AFF2: variants seen among roughly 807,000 people sequenced by gnomAD.
The protein encoded by AFF2 is ALF transcription elongation factor 2, also known as AF4/FMR2 family member 2.
A neutral mutation model predicts 76.9 loss-of-function variants in AFF2; 14 were observed. The observed-to-expected ratio is 0.18, with a 90% CI of 0.12 to 0.28. AFF2 has a LOEUF of 0.28. Ranked by LOEUF, AFF2 falls within the 10% of genes least tolerant of loss-of-function variation. The probability of loss-of-function intolerance (pLI) is 1.00; values close to 1 mark genes in which losing one functional copy is unlikely to be tolerated. For missense variants in AFF2, 868 were observed against 1,001.1 expected, an observed-to-expected ratio of 0.87 and a Z score of 1.79; for synonymous variants, 398 against 366.7, an observed-to-expected ratio of 1.09 and a Z score of -0.98.
At chrX:148,871,030 A>G (rs2070967459) in intron 7 of AFF2, among the ~76,000 whole-genome samples, 1 of 110,926 alleles carries the variant, frequency 9.0e-6, no homozygotes, top group Middle Eastern at 4.2e-3. Context: ...AAACAGTGTC[A>G]CTGGTGAGGG....
intron 1 of AFF2, among the ~76,000 whole-genome samples, chrX:148,606,525 G>A (rs1429138963): frequency 9.2e-6 from 1 of 108,551 alleles, no homozygotes; most frequent in African/African-American, 3.4e-5. Context: ...AGTCAGCCTT[G>A]TGGATAGATT....
At chrX:148,941,280 C>CT (rs2071831095) in intron 9 of AFF2, among the ~76,000 whole-genome samples, 1 of 111,656 alleles carries the variant, frequency 9.0e-6, no homozygotes. Flanking sequence ...AGATTTAACT[C>CT]TGCCTTTTCT....
intron 3 of AFF2, among the ~76,000 whole-genome samples, chrX:148,774,805 A>G (rs1226165207): frequency 8.9e-6 from 1 of 112,174 alleles, no homozygotes; most frequent in African/African-American, 3.2e-5. Context: ...GTAAAACAGT[A>G]GCCCAATGCT....
chrX:148,687,619 T>G (rs1437578881), intron 3 of AFF2, among the ~76,000 whole-genome samples: 18 of 110,471 alleles, frequency 1.6e-4, no homozygotes, highest in African/African-American at 5.6e-4. Flanking sequence ...TTCTGCTTGA[T>G]CCTTCTGTGA....
intron 7 of AFF2, among the ~76,000 whole-genome samples, chrX:148,863,060 G>A (rs961902507): frequency 2.7e-5 from 3 of 111,378 alleles, no homozygotes; most frequent in Admixed American, 9.6e-5. Context: ...CAGGGAGATG[G>A]CTCAGTGATT....
At chrX:148,837,819 C>T (rs376634868) in intron 5 of AFF2, 86 bp downstream of exon 5, 1 of 600,975 alleles carries the variant, frequency 1.7e-6, no homozygotes, top group East Asian at 3.3e-5. Context: ...CAAAAATGGC[C>T]TTGGTCTTCT....
At chrX:148,689,013 A>G (rs1557260559) in intron 3 of AFF2, among the ~76,000 whole-genome samples, 1 of 112,207 alleles carries the variant, frequency 8.9e-6, no homozygotes, top group Non-Finnish European at 1.9e-5. Context: ...GCTATAACAA[A>G]GTATGTACTA....
rs189064749 is a variant in AFF2, at chrX:148,804,016, A to C, written c.1042-5860A>C. ...ACATTCATAAGATGTCATGGGAGCC[A>C]GTTTACAAGGCAACCAAACTATCTC... On this transcript the variant is annotated intron_variant, in intron 3 of 20. Coordinates refer to ENST00000370460, the MANE Select transcript of AFF2 (RefSeq NM_002025.4). Among the ~76,000 whole-genome samples the C allele has an allele frequency of 8.1e-5, 9 of 111,764 alleles. No individual in the cohort carries two copies. The East Asian group carries it at 2.3e-3, about 28-fold the overall frequency.
intron 7 of AFF2, among the ~76,000 whole-genome samples, chrX:148,848,346 T>G (rs2070692599): frequency 8.9e-6 from 1 of 112,251 alleles, no homozygotes; most frequent in African/African-American, 3.2e-5. Flanking sequence ...TCCAGATTGC[T>G]ATAACCAATA....
At chrX:148,585,561 C>T (rs965923617) in intron 1 of AFF2, among the ~76,000 whole-genome samples, 8 of 111,254 alleles carry the variant, frequency 7.2e-5, no homozygotes, top group Admixed American at 6.7e-4. Flanking sequence ...CTGAGTAGGC[C>T]GGGCGCGGTG....
At position 148,743,101 on chromosome X, in the gene AFF2, A is replaced by T. The variant is rs556343558; in HGVS notation, c.1042-66775A>T. On this transcript the variant is annotated intron_variant, in intron 3 of 20. Coordinates refer to ENST00000370460, the MANE Select transcript of AFF2 (RefSeq NM_002025.4). ...GGCTCACTTTCTCTCTCTAAAACTG[A>T]CTTTAAAACTAATATTTTCTTTTCA... Among the ~76,000 whole-genome samples, 10 of 111,934 alleles carry T rather than the reference A, an allele frequency of 8.9e-5. No homozygotes were observed. The South Asian group carries it at 3.7e-3, about 41-fold the overall frequency.
rs1397465180 is a variant in AFF2, at chrX:148,994,796, G to C, written c.*3464G>C. On this transcript the variant is annotated 3_prime_UTR_variant, in exon 21 of 21. Transcript: ENST00000370460. ...ATTTGCATCCCGGAGGTTGAAGTTG[G>C]AGTTTGAGGTTGGAAAATATCTTTG... is the stretch of plus-strand genomic sequence containing the variant. 8.9e-6 allele frequency: 1 copy of C among 112,194 alleles called. No individual in the cohort carries two copies. Among genetic ancestry groups the C allele is most frequent in the African/African-American group, 3.2e-5 (1 of 30,780 alleles). 9.2% of individuals were successfully genotyped at this position (112,194 alleles called of 1,213,427 possible).
At chrX:148,813,071 G>A (rs1397996935) in intron 4 of AFF2, among the ~76,000 whole-genome samples, 3 of 112,506 alleles carry the variant, frequency 2.7e-5, no homozygotes, top group Non-Finnish European at 5.6e-5. Flanking sequence ...TATAGCAGGT[G>A]ACAGATTGTC....
chrX:148,768,775 C>T lies in AFF2; in HGVS notation c.1042-41101C>T, dbSNP rs1195993086. On this transcript the variant is annotated intron_variant, in intron 3 of 20. Transcript: ENST00000370460. ...TTGCTGTGGCAGAAAGTTATGAGGACATGTTTTTGTTCATTGTTTTTCTCA... is the reference window on the plus strand; with the variant it reads ...TTGCTGTGGCAGAAAGTTATGAGGATATGTTTTTGTTCATTGTTTTTCTCA... Among the ~76,000 whole-genome samples the T allele has an allele frequency of 2.7e-5, 3 of 111,799 alleles. No individual in the cohort carries two copies. The Admixed American group carries it at 2.8e-4, about 11-fold the overall frequency.
intron 7 of AFF2, among the ~76,000 whole-genome samples, chrX:148,885,456 A>T (rs782325696): frequency 2.0e-3 from 217 of 111,137 alleles, no homozygotes; most frequent in African/African-American, 6.9e-3. Flanking sequence ...ATCCAGAGAG[A>T]CCCAGCAGGC....
At chrX:148,534,772 C>A (rs1482026930) in intron 1 of AFF2, among the ~76,000 whole-genome samples, 1 of 112,547 alleles carries the variant, frequency 8.9e-6, no homozygotes, top group Non-Finnish European at 1.9e-5. Context: ...AGCTTTATTT[C>A]TTTTTGTATT....
intron 1 of AFF2, among the ~76,000 whole-genome samples, chrX:148,619,965 A>G (rs1368553625): frequency 1.8e-5 from 2 of 112,143 alleles, no homozygotes; most frequent in African/African-American, 3.2e-5. Flanking sequence ...TTAGAAATAC[A>G]TAATTTTGAA....
At chrX:148,688,725 C>G (rs1465533787) in intron 3 of AFF2, among the ~76,000 whole-genome samples, 1 of 110,710 alleles carries the variant, frequency 9.0e-6, no homozygotes, top group Non-Finnish European at 1.9e-5. Flanking sequence ...TGCACTTACA[C>G]AAACCTAGAT....
At chrX:148,672,962 A>G (rs1475645628) in intron 3 of AFF2, among the ~76,000 whole-genome samples, 1 of 111,689 alleles carries the variant, frequency 9.0e-6, no homozygotes, top group East Asian at 2.8e-4. Context: ...CTATAGAGGG[A>G]GTAAGACTTC....
Sources: allele counts gnomAD v4.1 joint callset (sites outside exome capture counted in the v4.1 genomes callset), GRCh38; gene constraint gnomAD v4.1.1; transcripts MANE v1.5; gene names NCBI Gene and HGNC (gene_info 2026-07-23, HGNC 2026-07-21).